DIP2C: variants seen among roughly 807,000 people sequenced by gnomAD.
DIP2C encodes disco-interacting protein 2 homolog C.
DIP2C carries 33 observed loss-of-function variants against 192.4 expected under a neutral mutation model. That is an observed-to-expected ratio of 0.17 (90% CI 0.13 to 0.23). The LOEUF (loss-of-function observed/expected upper bound fraction) is 0.23, where lower values mean the gene tolerates loss of function less well. Among genes scored for constraint, DIP2C ranks in the 10% least tolerant of loss-of-function variants. The pLI, the probability that DIP2C is intolerant of heterozygous loss-of-function variation, is 1.00. For synonymous variants in DIP2C, 979 were observed against 864.1 expected (o/e 1.13, Z -2.33); for missense variants, 1,537 against 2,110.1 (o/e 0.73, Z 5.32).
chr10:308,659 G>C (rs1361226967), intron 32 of DIP2C, among the ~76,000 whole-genome samples: 1 of 152,252 alleles, frequency 6.6e-6, no homozygotes, highest in Non-Finnish European at 1.5e-5. Context: ...GTCCCTGGCA[G>C]CTGGTGGCCT....
chr10:560,390 AAAAG>A (rs1329087875), intron 1 of DIP2C, among the ~76,000 whole-genome samples: 12 of 152,132 alleles, frequency 7.9e-5, no homozygotes, highest in African/African-American at 2.9e-4. Context: ...TTTAAAAAAA[AAAAG>A]AAAAAAGTGT....
At chr10:606,882 G>A (rs976509223) in intron 1 of DIP2C, among the ~76,000 whole-genome samples, 2 of 152,174 alleles carry the variant, frequency 1.3e-5, no homozygotes, top group South Asian at 2.1e-4. Flanking sequence ...GTGTGAAGCT[G>A]GAGGCCTGTC....
intron 1 of DIP2C, among the ~76,000 whole-genome samples, chr10:550,496 T>A (rs1051220645): frequency 6.6e-6 from 1 of 152,210 alleles, no homozygotes; most frequent in Non-Finnish European, 1.5e-5. Context: ...GGCATCTTTA[T>A]ATTGAAGCTA....
rs942686819 is a variant in DIP2C at position 682,371 on chromosome 10, C to T, written c.85+7123G>A. 2.9e-4 allele frequency among the ~76,000 whole-genome samples: 44 copies of T among 152,334 alleles called. 1 individual carries two copies. In the Middle Eastern group the frequency reaches 0.01, roughly 35 times the overall value. On this transcript the variant is annotated intron_variant, in intron 1 of 36. Coordinates refer to ENST00000280886, the MANE Select transcript of DIP2C (RefSeq NM_014974.3). Reference sequence around the variant, plus strand: ...AGAAAGGGCAGATTGCCACCTCCCTCCTCAAACTAGGGACCATAAATCGAT... The same window carrying T: ...AGAAAGGGCAGATTGCCACCTCCCTTCTCAAACTAGGGACCATAAATCGAT...
chr10:471,402 C>T (rs951603076), intron 3 of DIP2C, among the ~76,000 whole-genome samples: 2 of 152,154 alleles, frequency 1.3e-5, no homozygotes, highest in African/African-American at 4.8e-5. Flanking sequence ...TCACAGGCTT[C>T]CTCGACCACC....
At chr10:410,507 A>T (rs1206280616) in intron 8 of DIP2C, among the ~76,000 whole-genome samples, 1 of 152,256 alleles carries the variant, frequency 6.6e-6, no homozygotes, top group Non-Finnish European at 1.5e-5. Flanking sequence ...TCACTGGCTC[A>T]TTAGATATAA....
chr10:567,682 G>C (rs1370409288), intron 1 of DIP2C, among the ~76,000 whole-genome samples: 1 of 152,172 alleles, frequency 6.6e-6, no homozygotes, highest in Non-Finnish European at 1.5e-5. Context: ...CTGTTGTCCA[G>C]GCTGGAATGC....
At chr10:572,311 G>A (rs762269581) in intron 1 of DIP2C, among the ~76,000 whole-genome samples, 25 of 152,170 alleles carry the variant, frequency 1.6e-4, no homozygotes, top group African/African-American at 1.7e-4. Flanking sequence ...CCTCCACAGC[G>A]TTTCACACTC....
At chr10:343,691 C>T (rs1217494709) in intron 28 of DIP2C, among the ~76,000 whole-genome samples, 1 of 152,178 alleles carries the variant, frequency 6.6e-6, no homozygotes, top group East Asian at 1.9e-4. Flanking sequence ...CAAACCCTGC[C>T]TCCTAAAATT....
At chr10:279,770 C>T (rs1428017469) in intron 36 of DIP2C, among the ~76,000 whole-genome samples, 2 of 152,138 alleles carry the variant, frequency 1.3e-5, no homozygotes, top group Non-Finnish European at 2.9e-5. Context: ...GCCCCTGACC[C>T]GGTGAGGGAC....
chr10:517,154 C>G (rs1028124043), intron 1 of DIP2C, among the ~76,000 whole-genome samples: 7 of 152,190 alleles, frequency 4.6e-5, no homozygotes, highest in Admixed American at 4.6e-4. Flanking sequence ...TCTCCGCTCC[C>G]ATCATACACA....
At chr10:664,260 G>A (rs895158672) in intron 1 of DIP2C, 1 of 152,250 alleles carries the variant, frequency 6.6e-6, no homozygotes, top group Admixed American at 6.5e-5. Context: ...TCTTGCAATC[G>A]ATAAACGTTC....
chr10:600,958 G>C (rs974495927), intron 1 of DIP2C, among the ~76,000 whole-genome samples: 5 of 152,136 alleles, frequency 3.3e-5, no homozygotes, highest in African/African-American at 1.2e-4. Flanking sequence ...TGGCTCTGTG[G>C]TGTCACGTGC....
Position 390,735 on chromosome 10 carries a change from C to T in DIP2C, c.1384+5G>A. 1 of 1,612,176 alleles carries T rather than the reference C, an allele frequency of 6.2e-7. No individual in the cohort carries two copies. ...ATGCGAGCTCTCGGAGGCTCGGTGGCTTACCTTTAAACTGTGGGATCTCTC... is the reference window on the plus strand; with the variant it reads ...ATGCGAGCTCTCGGAGGCTCGGTGGTTTACCTTTAAACTGTGGGATCTCTC... On this transcript the variant is annotated splice_donor_5th_base_variant and intron_variant, in intron 11 of 36. Coordinates refer to ENST00000280886, the MANE Select transcript of DIP2C (RefSeq NM_014974.3).
chr10:392,993 T>A (rs1027410364), intron 10 of DIP2C, among the ~76,000 whole-genome samples: 32 of 152,130 alleles, frequency 2.1e-4, no homozygotes, highest in African/African-American at 7.7e-4. Flanking sequence ...TCAGTGGGCC[T>A]CACGACCTCT....
intron 1 of DIP2C, among the ~76,000 whole-genome samples, chr10:551,250 T>C (rs1235774194): frequency 2.0e-5 from 3 of 152,238 alleles, no homozygotes; most frequent in South Asian, 2.1e-4. Context: ...CCACGTACCA[T>C]GCCCCCTCCT....
intron 1 of DIP2C, among the ~76,000 whole-genome samples, chr10:491,218 C>T (rs1472358614): frequency 6.6e-6 from 1 of 152,224 alleles, no homozygotes; most frequent in Admixed American, 6.5e-5. Context: ...AAGAAACGGG[C>T]CACAGAGCTG....
chr10:557,285 G>A (rs1848928799), intron 1 of DIP2C, among the ~76,000 whole-genome samples: 1 of 152,208 alleles, frequency 6.6e-6, no homozygotes, highest in African/African-American at 2.4e-5. Context: ...CCTACAGATA[G>A]CCACAGCCCT....
intron 35 of DIP2C, 81 bp downstream of exon 35, chr10:283,191 C>A: frequency 2.0e-6 from 3 of 1,531,986 alleles, no homozygotes; most frequent in Non-Finnish European, 2.6e-6. Flanking sequence ...TGCTGTAAAC[C>A]TTGGGAAAGG....
Sources: gnomAD v4.1 joint callset for allele counts (sites outside exome capture counted in the v4.1 genomes callset) on GRCh38, gnomAD v4.1.1 for gene constraint, MANE v1.5 for transcripts, NCBI Gene and HGNC (gene_info 2026-07-23, HGNC 2026-07-21) for gene names.